CHST11: variants seen among roughly 807,000 people sequenced by gnomAD.
CHST11 encodes the protein C4S-1.
Under a neutral mutation model 30.4 loss-of-function variants are expected in CHST11, and 9 were observed. The ratio of observed to expected loss-of-function variants is 0.30; its 90% CI spans 0.18 to 0.52. The LOEUF is 0.52. CHST11 is among the 20% of genes least tolerant of loss of function. CHST11 has a pLI of 0.97. For synonymous variants in CHST11, 152 were observed against 187.8 expected, an observed-to-expected ratio of 0.81 and a Z score of 1.56; for missense variants, 348 against 460.6, an observed-to-expected ratio of 0.76 and a Z score of 2.24.
intron 2 of CHST11, among the ~76,000 whole-genome samples, chr12:104,635,390 G>C (rs938669946): frequency 2.0e-5 from 3 of 152,192 alleles, no homozygotes; most frequent in Non-Finnish European, 4.4e-5. Context: ...ACACGCCCGG[G>C]GCTTCCAGTG....
intron 1 of CHST11, among the ~76,000 whole-genome samples, chr12:104,571,189 G>C (rs2038622059): frequency 6.8e-6 from 1 of 147,738 alleles, no homozygotes; most frequent in Non-Finnish European, 1.5e-5. Context: ...TTGAGATGGA[G>C]TTTTGCTCTT....
chr12:104,654,533 A>C (rs1047884805), intron 2 of CHST11, among the ~76,000 whole-genome samples: 2 of 152,258 alleles, frequency 1.3e-5, no homozygotes, highest in Admixed American at 1.3e-4. Flanking sequence ...TGGATTCCCC[A>C]TGGTGGTAAT....
intron 2 of CHST11, among the ~76,000 whole-genome samples, chr12:104,736,373 G>T (rs2040301182): frequency 6.6e-6 from 1 of 152,190 alleles, no homozygotes; most frequent in Non-Finnish European, 1.5e-5. Flanking sequence ...ATTTTGTAGA[G>T]GGTGATGATA....
At chr12:104,624,344 G>T (rs1234440694) in intron 2 of CHST11, among the ~76,000 whole-genome samples, 1 of 152,204 alleles carries the variant, frequency 6.6e-6, no homozygotes, top group Non-Finnish European at 1.5e-5. Context: ...GACACCCTGG[G>T]TACTTAAGAC....
intron 2 of CHST11, among the ~76,000 whole-genome samples, chr12:104,605,173 A>T (rs914236717): frequency 2.7e-5 from 4 of 150,082 alleles, no homozygotes; most frequent in Non-Finnish European, 5.9e-5. Context: ...AAAAAAAAAA[A>T]ATCAAACCCA....
At chr12:104,531,683 A>T (rs762219897) in intron 1 of CHST11, among the ~76,000 whole-genome samples, 2 of 152,178 alleles carry the variant, frequency 1.3e-5, no homozygotes, top group Non-Finnish European at 2.9e-5. Context: ...ATTCAGGCCC[A>T]TAGTATCCCT....
chr12:104,727,799 T>C (rs2040227244), intron 2 of CHST11, among the ~76,000 whole-genome samples: 1 of 152,160 alleles, frequency 6.6e-6, no homozygotes, highest in Non-Finnish European at 1.5e-5. Context: ...TCCTTGAGCA[T>C]AGGAAGCTTA....
chr12:104,480,864 GGAA>G (rs1361844787), intron 1 of CHST11, among the ~76,000 whole-genome samples: 1 of 152,148 alleles, frequency 6.6e-6, no homozygotes, highest in Non-Finnish European at 1.5e-5. Flanking sequence ...GAACCATGAA[GGAA>G]TACATTTCTA....
rs1415172252 is a variant in CHST11 at position 104,479,023 on chromosome 12, C to T, written c.118+21494C>T. On this transcript the variant is annotated intron_variant, in intron 1 of 2. Coordinates refer to ENST00000303694, the MANE Select transcript of CHST11 (RefSeq NM_018413.6). The stretch of plus-strand genomic sequence containing the variant: ...GTCCAAGGCATGTCCAAGGAAAAGC[C>T]GTTTTCAAAAGAGTCACCTGTCTTT... Among the ~76,000 whole-genome samples the T allele has an allele frequency of 2.0e-5, 3 of 152,038 alleles. 1 individual carries two copies. The highest frequency in any genetic ancestry group is 4.2e-4 in the South Asian group (2 of 4,814).
chr12:104,656,960 C>T (rs994867417), intron 2 of CHST11, among the ~76,000 whole-genome samples: 4 of 152,084 alleles, frequency 2.6e-5, no homozygotes, highest in Non-Finnish European at 4.4e-5. Flanking sequence ...CTTACAAAGG[C>T]ACAGCATGCT....
intron 1 of CHST11, among the ~76,000 whole-genome samples, chr12:104,462,913 T>G (rs1036405530): frequency 1.3e-5 from 2 of 152,176 alleles, no homozygotes; most frequent in Admixed American, 1.3e-4. Context: ...TCTCCTTTGA[T>G]TGTTACAGTC....
intron 2 of CHST11, among the ~76,000 whole-genome samples, chr12:104,693,903 A>T (rs1309525216): frequency 2.0e-5 from 3 of 152,216 alleles, no homozygotes; most frequent in Admixed American, 1.3e-4. Context: ...AGGATCTGTC[A>T]CTTTTTCTTA....
chr12:104,646,469 C>T (rs1396547995), intron 2 of CHST11, among the ~76,000 whole-genome samples: 1 of 152,164 alleles, frequency 6.6e-6, no homozygotes, highest in Non-Finnish European at 1.5e-5. Flanking sequence ...TGCAGTGGCT[C>T]ACCCCTGTAA....
Position 104,757,010 on chromosome 12 carries a change from G to C in CHST11, c.266G>C (p.Cys89Ser). ...CGGCGGGACCAGGTGACAGACACGTGCCGAGCCAACAGCGCCACAAGCCGT... is the reference window on the plus strand; with the variant it reads ...CGGCGGGACCAGGTGACAGACACGTCCCGAGCCAACAGCGCCACAAGCCGT... ...QMRRDQVTDTCRANSATSRKR... is the reference protein window; with the variant it reads ...QMRRDQVTDTSRANSATSRKR... Residue 89 changes from cysteine to serine, a missense_variant, in exon 3 of 3, where the codon TGC becomes TCC. Cys to Ser is a moderately radical substitution (Grantham distance 112, BLOSUM62 -1). Around this residue, in one of 3 missense-constraint regions of CHST11, gnomAD observed 135 missense variants for 155.8 expected, o/e 0.87. Transcript: ENST00000303694. This position sits in a 1 kb window ranked among gnomAD's most constrained non-coding sequence, Gnocchi z 6.5. 6.2e-7 allele frequency: 1 copy of C among 1,613,534 alleles called. No individual in the cohort carries two copies.
rs573402733 is a variant in CHST11 at position 104,756,349 on chromosome 12, G to A, written c.205-600G>A. Among the ~76,000 whole-genome samples, 57 of 152,270 alleles carry A rather than the reference G, an allele frequency of 3.7e-4. No homozygotes were observed. In the South Asian group the frequency reaches 0.012, roughly 32 times the overall value. ...GGACTGGGAGTGAATGGCCTTTGGG[G>A]AGAAACTTTTGCTCTTAGAATTCAG... is the stretch of plus-strand genomic sequence containing the variant. On this transcript the variant is annotated intron_variant, in intron 2 of 2. Transcript: ENST00000303694.
At chr12:104,476,776 G>T (rs1297726210) in intron 1 of CHST11, among the ~76,000 whole-genome samples, 10 of 151,702 alleles carry the variant, frequency 6.6e-5, no homozygotes, top group African/African-American at 2.2e-4. Flanking sequence ...CTTTGATTAA[G>T]CTGTCATCCA....
At chr12:104,628,139 T>C (rs1487671006) in intron 2 of CHST11, among the ~76,000 whole-genome samples, 3 of 152,142 alleles carry the variant, frequency 2.0e-5, no homozygotes, top group Admixed American at 2.0e-4. Flanking sequence ...CTTTTAGAAG[T>C]CATTTGATGC....
intron 2 of CHST11, among the ~76,000 whole-genome samples, chr12:104,712,136 C>T (rs1233193522): frequency 9.2e-5 from 14 of 152,066 alleles, no homozygotes; most frequent in African/African-American, 4.8e-5. Flanking sequence ...ATGCAGAAGG[C>T]GCGGGGTGAG....
intron 2 of CHST11, among the ~76,000 whole-genome samples, chr12:104,640,146 G>A (rs2039361746): frequency 6.6e-6 from 1 of 152,188 alleles, no homozygotes. Context: ...AAATGATACA[G>A]CCCTTTTGGA....
Sources: allele counts gnomAD v4.1 joint callset (sites outside exome capture counted in the v4.1 genomes callset), GRCh38; gene constraint gnomAD v4.1.1; regional missense constraint gnomAD v4.1.1; non-coding constraint Gnocchi (gnomAD v3.1); transcripts MANE v1.5; gene names NCBI Gene and HGNC (gene_info 2026-07-23, HGNC 2026-07-21).